Variants in DNAH7 observed in about 807,000 individuals in gnomAD.
DNAH7 encodes the protein dynein axonemal heavy chain 7.
A neutral mutation model predicts 444.6 loss-of-function variants in DNAH7; 397 were observed. The observed-to-expected ratio is 0.89, with a 90% CI of 0.82 to 0.97. DNAH7 has a LOEUF of 0.97. Ranked by LOEUF, DNAH7 falls within the 50% of genes least tolerant of loss-of-function variation. The pLI is 0.00. For missense variants in DNAH7, 4,902 were observed against 4,800.8 expected, an observed-to-expected ratio of 1.02 and a Z score of -0.62; for synonymous variants, 1,636 against 1,624.4, an observed-to-expected ratio of 1.01 and a Z score of -0.17.
At position 195,960,421 on chromosome 2, in the gene DNAH7, A is replaced by G; in HGVS notation, c.2730T>C (p.Thr910=). The G allele has an allele frequency of 6.2e-7, 1 of 1,614,186 alleles. No individual in the cohort carries two copies. The highest frequency in any genetic ancestry group is 8.5e-7 in the Non-Finnish European group (1 of 1,180,022). Residue 910 remains threonine, a synonymous_variant, in exon 18 of 65, where the codon ACT becomes ACC. Transcript: ENST00000312428. ...TGACAAATTCCACTGCATCCCACTC[A>G]GTAATCATCTTCTCCATCGCCTTTT... ...SLEKAMEKMI[T]EWDAVEFVIH...
At chr2:195,904,274 G>T (rs1686880998) in intron 27 of DNAH7, 1 of 152,368 alleles carries the variant, frequency 6.6e-6, no homozygotes, top group South Asian at 2.1e-4. Flanking sequence ...CAGAAGGTCA[G>T]ATCTGAACTG....
chr2:196,011,631 C>G (rs1239749496), intron 10 of DNAH7, among the ~76,000 whole-genome samples: 1 of 152,146 alleles, frequency 6.6e-6, no homozygotes, highest in African/African-American at 2.4e-5. Context: ...CCTCTGTGAG[C>G]TGATGCTCTG....
At chr2:196,010,493 CCACTAGAGAGAA>C (rs1262336861) in intron 10 of DNAH7, among the ~76,000 whole-genome samples, 1 of 152,046 alleles carries the variant, frequency 6.6e-6, no homozygotes, top group Non-Finnish European at 1.5e-5. Flanking sequence ...ATTTGTACAA[CCACTAGAGAGAA>C]CACTACAGAG....
chr2:195,766,314 C>G (rs1036842591), intron 61 of DNAH7, among the ~76,000 whole-genome samples: 4 of 151,480 alleles, frequency 2.6e-5, no homozygotes, highest in African/African-American at 9.7e-5. Flanking sequence ...GCTGGGATTA[C>G]AGGCATCTCC....
intron 12 of DNAH7, among the ~76,000 whole-genome samples, chr2:195,991,088 C>A (rs754921271): frequency 8.6e-5 from 13 of 150,912 alleles, no homozygotes; most frequent in Non-Finnish European, 1.9e-4. Flanking sequence ...AACAGGTCAC[C>A]CTGTAACAAA....
chr2:195,923,616 A>G lies in DNAH7; in HGVS notation c.3804T>C (p.Ser1268=), dbSNP rs956549203. The G allele has an allele frequency of 1.2e-6, 2 of 1,614,120 alleles. No homozygotes were observed. Among genetic ancestry groups the G allele is most frequent in the African/African-American group, 2.7e-5 (2 of 75,060 alleles). Residue 1268 remains serine, a synonymous_variant, in exon 23 of 65, where the codon AGT becomes AGC. Coordinates refer to ENST00000312428, the MANE Select transcript of DNAH7 (RefSeq NM_018897.3). The part of the protein sequence containing the change: ...ISDDSDFEWL[S]QLRYYWQENH... ...TTACTTGCCAGTAGTACCTAAGCTGACTTAACCATTCAAAGTCAGAGTCAT... is the reference window on the plus strand; with the variant it reads ...TTACTTGCCAGTAGTACCTAAGCTGGCTTAACCATTCAAAGTCAGAGTCAT...
intron 47 of DNAH7, among the ~76,000 whole-genome samples, chr2:195,843,879 A>G (rs200823188): frequency 3.3e-5 from 5 of 152,046 alleles, no homozygotes; most frequent in African/African-American, 1.2e-4. Context: ...GGCACATCAC[A>G]AGGTCAGGAG....
At chr2:196,062,812 T>A (rs879846635) in intron 1 of DNAH7, among the ~76,000 whole-genome samples, 24 of 152,228 alleles carry the variant, frequency 1.6e-4, no homozygotes, top group Non-Finnish European at 3.1e-4. Context: ...AAATAAAGAA[T>A]GTTTACTTTT....
chr2:195,913,331 C>T (rs748965428), intron 24 of DNAH7, among the ~76,000 whole-genome samples: 1 of 152,058 alleles, frequency 6.6e-6, no homozygotes, highest in Non-Finnish European at 1.5e-5. Flanking sequence ...GCAAAATAGG[C>T]ATTCTTTAAA....
intron 10 of DNAH7, among the ~76,000 whole-genome samples, chr2:196,007,453 T>C (rs1035422603): frequency 1.3e-5 from 2 of 152,176 alleles, no homozygotes; most frequent in Non-Finnish European, 2.9e-5. Flanking sequence ...AAGGCCTAAA[T>C]GTAGGAGCTA....
chr2:195,916,735 G>A (rs1687702151), intron 24 of DNAH7, among the ~76,000 whole-genome samples: 1 of 152,110 alleles, frequency 6.6e-6, no homozygotes, highest in African/African-American at 2.4e-5. Context: ...GTGCATGCCT[G>A]TAGTCCTTGC....
intron 24 of DNAH7, among the ~76,000 whole-genome samples, chr2:195,919,011 G>A (rs1214412387): frequency 6.6e-6 from 1 of 152,090 alleles, no homozygotes; most frequent in African/African-American, 2.4e-5. Flanking sequence ...AGCACTTTGG[G>A]AGCCCGAGGC....
intron 1 of DNAH7, among the ~76,000 whole-genome samples, chr2:196,065,798 T>C (rs1300631302): frequency 6.6e-6 from 1 of 152,232 alleles, no homozygotes; most frequent in Non-Finnish European, 1.5e-5. Flanking sequence ...GCCATGGTAA[T>C]GGCATCCTAC....
At chr2:195,994,378 C>A (rs1451040203) in intron 12 of DNAH7, 1 of 731,100 alleles carries the variant, frequency 1.4e-6, no homozygotes, top group African/African-American at 1.8e-5. Flanking sequence ...AGTAAGTTTA[C>A]AAATGGTCCT....
intron 61 of DNAH7, among the ~76,000 whole-genome samples, chr2:195,757,380 T>C (rs912402563): frequency 2.6e-5 from 4 of 152,234 alleles, no homozygotes; most frequent in Non-Finnish European, 5.9e-5. Context: ...GAATGACTGA[T>C]GCACGGATGT....
intron 8 of DNAH7, among the ~76,000 whole-genome samples, chr2:196,019,818 A>G (rs993056322): frequency 2.9e-4 from 44 of 152,338 alleles, no homozygotes; most frequent in African/African-American, 9.9e-4. Flanking sequence ...TTTTATTTGA[A>G]GACACATTTA....
chr2:195,864,151 G>A lies in DNAH7; in HGVS notation c.7504C>T (p.Gln2502Ter). The change falls in exon 41 of 65, where the codon CAG becomes TAG. Residue 2502 changes from glutamine (Q) to a stop codon, truncating the protein, a stop_gained and splice_region_variant. Coordinates refer to ENST00000312428, the MANE Select transcript of DNAH7 (RefSeq NM_018897.3). LOFTEE classifies it high-confidence loss of function. ...ATCTAAAATGTACATGACAATACCT[G>A]AAACCAGTCAATGGTACAGCAGTTA... ...LVNCCTIDWF[Q>*]SWPEDALQAV... 6.2e-7 allele frequency: 1 copy of A among 1,611,588 alleles called. No homozygotes were observed. The highest frequency in any genetic ancestry group is 2.2e-5 in the East Asian group (1 of 44,794).
Position 195,888,446 on chromosome 2 carries a change from T to C in DNAH7, c.5230-12A>G, listed in dbSNP as rs1701831340. Reference sequence around the variant, plus strand: ...CCACATCTGGAAACCTGGAAAGCCATAATTGGTTACCATCAAGGTAATAAT... The same window carrying C: ...CCACATCTGGAAACCTGGAAAGCCACAATTGGTTACCATCAAGGTAATAAT... On this transcript the variant is annotated splice_polypyrimidine_tract_variant and intron_variant, in intron 32 of 64. Transcript: ENST00000312428. The C allele has an allele frequency of 1.3e-6, 2 of 1,577,540 alleles. No homozygotes were observed. Among genetic ancestry groups the C allele is most frequent in the African/African-American group, 1.4e-5 (1 of 72,218 alleles).
chr2:195,818,906 C>T (rs1322869349), intron 49 of DNAH7, among the ~76,000 whole-genome samples: 3 of 151,966 alleles, frequency 2.0e-5, no homozygotes, highest in Non-Finnish European at 2.9e-5. Context: ...TCTTTATTAT[C>T]ACCATGTATC....
Sources: gnomAD v4.1 joint callset for allele counts (sites outside exome capture counted in the v4.1 genomes callset) on GRCh38, gnomAD v4.1.1 for gene constraint, MANE v1.5 for transcripts, NCBI Gene and HGNC (gene_info 2026-07-23, HGNC 2026-07-21) for gene names.